The following HERC5 variants were observed in gnomAD, a reference collection of about 807,000 sequenced individuals.
HERC5 encodes the protein E3 ISG15--protein ligase HERC5.
In HERC5, 99 loss-of-function variants were observed where a neutral mutation model predicts 119.6. That is an observed-to-expected ratio of 0.83 (90% CI 0.70 to 0.98). The LOEUF is 0.98. Among genes scored for constraint, HERC5 ranks in the 50% least tolerant of loss-of-function variants. HERC5 has a pLI of 0.00. For missense variants in HERC5, 1,267 were observed against 1,241.3 expected, an observed-to-expected ratio of 1.02 and a Z score of -0.31; for synonymous variants, 478 against 445.9, an observed-to-expected ratio of 1.07 and a Z score of -0.91.
chr4:88,490,854 A>T (rs1031230637), intron 16 of HERC5, among the ~76,000 whole-genome samples: 17 of 152,062 alleles, frequency 1.1e-4, no homozygotes, highest in African/African-American at 3.6e-4. Flanking sequence ...CAAGGAAAAA[A>T]ATATATATAT....
chr4:88,469,482 C>T (rs528390122), intron 9 of HERC5, among the ~76,000 whole-genome samples: 19 of 152,192 alleles, frequency 1.2e-4, no homozygotes, highest in African/African-American at 3.6e-4. Context: ...AAGGAATTGG[C>T]TTATGAGATT....
intron 11 of HERC5, among the ~76,000 whole-genome samples, chr4:88,474,734 C>T (rs2149094585): frequency 6.6e-6 from 1 of 152,258 alleles, no homozygotes; most frequent in Non-Finnish European, 1.5e-5. Context: ...GAGCAAGTTA[C>T]TTAATTTCTC....
intron 4 of HERC5, among the ~76,000 whole-genome samples, chr4:88,463,160 G>A (rs1013981103): frequency 6.6e-6 from 1 of 152,244 alleles, no homozygotes; most frequent in Non-Finnish European, 1.5e-5. Flanking sequence ...AAGAGGTAGT[G>A]TCAGGTGATG....
intron 6 of HERC5, among the ~76,000 whole-genome samples, chr4:88,466,197 C>G (rs1740659832): frequency 6.6e-6 from 1 of 152,032 alleles, no homozygotes; most frequent in Non-Finnish European, 1.5e-5. Context: ...AGCAATCCTC[C>G]TGCCTCAGCC....
At chr4:88,497,667 C>A (rs1326988723) in intron 18 of HERC5, among the ~76,000 whole-genome samples, 1 of 152,138 alleles carries the variant, frequency 6.6e-6, no homozygotes, top group African/African-American at 2.4e-5. Flanking sequence ...AAAAGCCAAA[C>A]TTAAAGATTT....
intron 13 of HERC5, 28 bp from the exon 14 acceptor site, chr4:88,486,087 C>T (rs753543501): frequency 3.5e-6 from 5 of 1,434,170 alleles, no homozygotes; most frequent in South Asian, 1.2e-5. Flanking sequence ...AAATATAAAA[C>T]TTTTTCACAA....
At chr4:88,501,254 G>A (rs186040613) in intron 20 of HERC5, among the ~76,000 whole-genome samples, 4 of 152,138 alleles carry the variant, frequency 2.6e-5, no homozygotes, top group East Asian at 3.9e-4. Context: ...TTATCCACTC[G>A]TTCTGCTTTT....
In HERC5 at chr4:88,505,730, C is replaced by T. The variant is rs778899694; in HGVS notation, c.2927C>T (p.Thr976Ile). ...AAAGATTTAAATAATATGAAAATAA[C>T]ATTTTGCTGTCCTGAAAGTTGGAAT... ...QMKDLNNMKI[T>I]FCCPESWNER... is the part of the protein sequence containing the mutation. The change falls in exon 23 of 23, where the codon ACA becomes ATA. Residue 976 changes from threonine (T) to isoleucine (I), a missense_variant. Transcript: ENST00000264350. The T allele has an allele frequency of 4.4e-6, 7 of 1,597,930 alleles. No individual in the cohort carries two copies. The highest frequency in any genetic ancestry group is 2.2e-5 in the East Asian group (1 of 44,790).
chr4:88,472,535 T>C, intron 11 of HERC5, 33 bp downstream of exon 11: 1 of 1,177,914 alleles, frequency 8.5e-7, no homozygotes, highest in Non-Finnish European at 1.2e-6. Flanking sequence ...AGAAAGAAAA[T>C]ACACCAGAAT....
chr4:88,490,308 C>A (rs1048866745), intron 16 of HERC5, among the ~76,000 whole-genome samples: 2 of 152,090 alleles, frequency 1.3e-5, no homozygotes, highest in African/African-American at 2.4e-5. Context: ...CCTCATTTTA[C>A]AGATGGGGAA....
At chr4:88,469,071 T>C (rs1384799823) in intron 8 of HERC5, 86 bp from the exon 9 acceptor site, 1 of 757,714 alleles carries the variant, frequency 1.3e-6, no homozygotes, top group Non-Finnish European at 2.2e-6. Flanking sequence ...AAAAGTCAGT[T>C]TTACTCTCTA....
At position 88,469,192 on chromosome 4, in the gene HERC5, T is replaced by A. The variant is rs781675848; in HGVS notation, c.1170T>A (p.Thr390=). ...SYVNLKRTIP[T]LNEGTVKRWI... is the part of the protein sequence containing the mutation. ...TTAATCTGAAGAGGACAATTCCTAC[T>A]CTGAATGAAGGGACTGTAAAGAGAT... Residue 390 remains threonine, a synonymous_variant, in exon 9 of 23, where the codon ACT becomes ACA. Transcript: ENST00000264350. 87 of 1,613,038 alleles carry A rather than the reference T, an allele frequency of 5.4e-5. 1 individual carries two copies. The South Asian group carries it at 8.7e-4, about 16-fold the overall frequency.
intron 14 of HERC5, 62 bp downstream of exon 14, chr4:88,486,290 G>A: frequency 1.0e-6 from 1 of 957,832 alleles, no homozygotes; most frequent in Non-Finnish European, 1.6e-6. Flanking sequence ...GGCATTTCTT[G>A]TCCTCTGCAA....
chr4:88,464,054 T>G, intron 6 of HERC5, 69 bp downstream of exon 6: 1 of 1,327,362 alleles, frequency 7.5e-7, no homozygotes, highest in Non-Finnish European at 1.0e-6. Context: ...TTTAATAAAA[T>G]TTCTTTCAGT....
chr4:88,468,346 A>G lies in HERC5; in HGVS notation c.1058A>G (p.Glu353Gly). Residue 353 changes from glutamate to glycine, a missense_variant and splice_region_variant, in exon 8 of 23, where the codon GAA (glutamate) becomes GGA (glycine). Around this residue, in one of 3 missense-constraint regions of HERC5, gnomAD observed 777 missense variants for 758.0 expected, o/e 1.03. Transcript: ENST00000264350. The stretch of plus-strand genomic sequence containing the variant: ...TCTTACTCTTTGTGCATCCTTTCAG[A>G]AAGCCATACCTCAGAAAAGGAGTTA... ...KVSSSEELKLESHTSEKELIM... is the reference protein window; with the variant it reads ...KVSSSEELKLGSHTSEKELIM... The G allele has an allele frequency of 6.2e-7, 1 of 1,605,928 alleles. No homozygotes were observed. Among genetic ancestry groups the G allele is most frequent in the Non-Finnish European group, 8.5e-7 (1 of 1,175,760 alleles).
At chr4:88,475,465 C>T (rs142509922) in intron 11 of HERC5, among the ~76,000 whole-genome samples, 1,798 of 151,476 alleles carry the variant, frequency 0.012, 16 homozygotes, top group Non-Finnish European at 0.02. Flanking sequence ...ACTACAGGCA[C>T]GCACCGTCAC....
intron 15 of HERC5, 76 bp downstream of exon 15, chr4:88,487,255 T>A (rs1560609835): frequency 2.5e-6 from 2 of 791,880 alleles, no homozygotes; most frequent in South Asian, 3.4e-5. Flanking sequence ...ATTTTGGGGG[T>A]GATAAGAGAA....
chr4:88,463,753 T>C, intron 5 of HERC5, 102 bp from the exon 6 acceptor site: 1 of 1,441,744 alleles, frequency 6.9e-7, no homozygotes, highest in Non-Finnish European at 9.6e-7. Flanking sequence ...TTTAGGAGCT[T>C]TACTTTGACA....
intron 4 of HERC5, among the ~76,000 whole-genome samples, chr4:88,463,150 A>C (rs1740509552): frequency 6.6e-6 from 1 of 152,246 alleles, no homozygotes. Flanking sequence ...TGAAGAAAAG[A>C]AGAGGTAGTG....
Sources: gnomAD v4.1 joint callset for allele counts (sites outside exome capture counted in the v4.1 genomes callset) on GRCh38, gnomAD v4.1.1 for gene constraint, gnomAD v4.1.1 regional missense constraint, MANE v1.5 for transcripts, NCBI Gene and HGNC (gene_info 2026-07-23, HGNC 2026-07-21) for gene names.